RARB: variants seen among roughly 807,000 people sequenced by gnomAD.
The protein encoded by RARB is HBV-activated protein.
RARB carries 17 observed loss-of-function variants against 51.9 expected under a neutral mutation model. The observed-to-expected ratio is 0.33, with a 90% CI of 0.22 to 0.49. The LOEUF (loss-of-function observed/expected upper bound fraction) is 0.49. Among genes scored for constraint, RARB ranks in the 20% least tolerant of loss-of-function variants. RARB has a pLI of 0.99. For missense variants in RARB, 369 were observed against 550.8 expected (o/e 0.67, Z 3.30); for synonymous variants, 215 against 195.4 (o/e 1.10, Z -0.84).
At chr3:25,117,785 A>G (rs1699712615) in intron 3 of RARB, among the ~76,000 whole-genome samples, 1 of 152,114 alleles carries the variant, frequency 6.6e-6, no homozygotes, top group Non-Finnish European at 1.5e-5. Flanking sequence ...TCACCAGGGG[A>G]AAAATACACC....
intron 5 of RARB, among the ~76,000 whole-genome samples, chr3:25,396,653 G>C (rs1315559395): frequency 6.6e-6 from 1 of 152,142 alleles, no homozygotes; most frequent in African/African-American, 2.4e-5. Context: ...AAAACCATCA[G>C]GTTAGGGCAG....
intron 2 of RARB, among the ~76,000 whole-genome samples, chr3:25,466,930 G>T (rs1695457070): frequency 6.6e-6 from 1 of 152,234 alleles, no homozygotes; most frequent in South Asian, 2.1e-4. Flanking sequence ...AAACTCAGAA[G>T]CTGGTGCCCC....
chr3:25,239,961 T>C (rs1702390911), intron 5 of RARB, among the ~76,000 whole-genome samples: 1 of 152,284 alleles, frequency 6.6e-6, no homozygotes, highest in East Asian at 1.9e-4. Flanking sequence ...TTCTTCAGTT[T>C]CTTTCATCAG....
intron 4 of RARB, among the ~76,000 whole-genome samples, chr3:25,157,592 T>A (rs1372042765): frequency 6.6e-6 from 1 of 152,066 alleles, no homozygotes; most frequent in African/African-American, 2.4e-5. Flanking sequence ...AGATGAGGTT[T>A]CACCATGTTG....
chr3:25,422,140 T>A (rs1397509362), intron 5 of RARB, among the ~76,000 whole-genome samples: 1 of 152,238 alleles, frequency 6.6e-6, no homozygotes, highest in Non-Finnish European at 1.5e-5. Context: ...ACAGTTTCTG[T>A]TCATACATAT....
At chr3:25,357,985 A>G (rs1705804021) in intron 5 of RARB, among the ~76,000 whole-genome samples, 1 of 152,192 alleles carries the variant, frequency 6.6e-6, no homozygotes, top group Non-Finnish European at 1.5e-5. Flanking sequence ...TGTCTTGGCT[A>G]TACAGGCTCC....
chr3:25,438,652 A>G, intron 1 of RARB, among the ~76,000 whole-genome samples: 1 of 152,182 alleles, frequency 6.6e-6, no homozygotes. Context: ...TTCAAGTCCC[A>G]TGAAAGGCTT....
chr3:25,165,682 C>G lies in RARB; in HGVS notation c.-279-8437C>G, dbSNP rs321519. On this transcript the variant is annotated intron_variant, in intron 4 of 11. Coordinates refer to the RARB transcript ENST00000383772. ...GACCTTTAGTCCAATACATTTATAC[C>G]TTACGTTTGGGAATATACATGAAAA... Among the ~76,000 whole-genome samples the G allele has an allele frequency of 8.6e-4, 130 of 151,982 alleles. 2 individuals carry two copies. The South Asian group carries it at 0.025, about 29-fold the overall frequency.
chr3:25,057,021 G>A (rs756334828), intron 2 of RARB, among the ~76,000 whole-genome samples: 3 of 152,058 alleles, frequency 2.0e-5, no homozygotes, highest in Non-Finnish European at 4.4e-5. Context: ...GCACTCCCCA[G>A]TATGTTTCCC....
intron 1 of RARB, among the ~76,000 whole-genome samples, chr3:25,444,685 T>G (rs1375580041): frequency 6.6e-6 from 1 of 152,194 alleles, no homozygotes; most frequent in East Asian, 1.9e-4. Flanking sequence ...GGCAGGAAGA[T>G]TCAATGTATC....
At chr3:25,528,378 G>T (rs1427944277) in intron 3 of RARB, among the ~76,000 whole-genome samples, 1 of 152,120 alleles carries the variant, frequency 6.6e-6, no homozygotes, top group African/African-American at 2.4e-5. Context: ...GTGAAACCCT[G>T]TTATAACATT....
intron 5 of RARB, among the ~76,000 whole-genome samples, chr3:25,257,205 G>T (rs925984390): frequency 1.3e-5 from 2 of 152,114 alleles, no homozygotes; most frequent in Non-Finnish European, 2.9e-5. Flanking sequence ...TTTGATGCTT[G>T]AATGCAGATC....
At chr3:25,480,861 T>G (rs1288266070) in intron 2 of RARB, among the ~76,000 whole-genome samples, 1 of 151,962 alleles carries the variant, frequency 6.6e-6, no homozygotes, top group Admixed American at 6.6e-5. Flanking sequence ...CTCAATGGAG[T>G]ACAAGCTTAT....
chr3:25,202,528 G>A (rs1415355559), intron 5 of RARB, among the ~76,000 whole-genome samples: 1 of 152,100 alleles, frequency 6.6e-6, no homozygotes, highest in Non-Finnish European at 1.5e-5. Context: ...TGTGATGTTA[G>A]GGTGTCAATT....
exon 5 of RARB, chr3:25,174,234 C>T (rs907701587): frequency 1.4e-5 from 6 of 416,510 alleles, no homozygotes; most frequent in Non-Finnish European, 2.5e-5. Context: ...GCAGAGAAAC[C>T]ATGCTGGGAA....
chr3:24,869,909 C>A (rs996013026), intron 2 of RARB, among the ~76,000 whole-genome samples: 2 of 152,048 alleles, frequency 1.3e-5, no homozygotes, highest in Non-Finnish European at 2.9e-5. Context: ...GTTCATCAGC[C>A]TTTTATATTG....
At chr3:25,297,289 C>T (rs1478689844) in intron 5 of RARB, among the ~76,000 whole-genome samples, 1 of 151,900 alleles carries the variant, frequency 6.6e-6, no homozygotes, top group Non-Finnish European at 1.5e-5. Context: ...AGACCTATAA[C>T]TGAAACATAG....
chr3:25,393,469 C>T (rs982745886), intron 5 of RARB, among the ~76,000 whole-genome samples: 3 of 151,880 alleles, frequency 2.0e-5, no homozygotes, highest in Non-Finnish European at 2.9e-5. Flanking sequence ...GATTGGTACC[C>T]ATTCTTTGAA....
chr3:25,529,302 G>A (rs1428521356), intron 3 of RARB, among the ~76,000 whole-genome samples: 1 of 151,734 alleles, frequency 6.6e-6, no homozygotes, highest in Non-Finnish European at 1.5e-5. Flanking sequence ...AATGTTCCTA[G>A]CAACACTATT....
Sources: gnomAD v4.1 joint callset for allele counts (sites outside exome capture counted in the v4.1 genomes callset) on GRCh38, gnomAD v4.1.1 for gene constraint, MANE v1.5 for transcripts, NCBI Gene and HGNC (gene_info 2026-07-23, HGNC 2026-07-21) for gene names.